ZFAND4: variants seen among roughly 807,000 people sequenced by gnomAD.
ZFAND4 encodes AN1-type zinc finger protein 4.
In ZFAND4, 43 loss-of-function variants were observed where a neutral mutation model predicts 64.4. That is an observed-to-expected ratio of 0.67 (90% CI 0.52 to 0.86). The LOEUF is 0.86. ZFAND4 is among the 40% of genes least tolerant of loss of function. The probability of loss-of-function intolerance (pLI) is 0.00; values close to 1 mark genes in which losing one functional copy is unlikely to be tolerated. For missense variants in ZFAND4, 929 were observed against 859.8 expected (o/e 1.08, Z -1.01); for synonymous variants, 296 against 305.7 (o/e 0.97, Z 0.33).
At chr10:45,665,847 C>T (rs1404785995) in intron 1 of ZFAND4, among the ~76,000 whole-genome samples, 2 of 152,186 alleles carry the variant, frequency 1.3e-5, no homozygotes, top group Non-Finnish European at 2.9e-5. Context: ...TGGCTTCTTT[C>T]ACTTAGCATA....
At chr10:45,648,860 TATG>T (rs1289746797) in intron 4 of ZFAND4, 2 of 824,900 alleles carry the variant, frequency 2.4e-6, no homozygotes, top group Admixed American at 6.2e-5. Context: ...TTGCTGATTC[TATG>T]ATATTACTAT....
Position 45,618,193 on chromosome 10 carries a change from A to C in ZFAND4, c.1995T>G (p.Asn665Lys), listed in dbSNP as rs2045144740. ...TTTTCTTTCCACAAAGAAAACAATGATTTGTTGTTTTCTTCTTTGTCTGAA... is the reference window on the plus strand; with the variant it reads ...TTTTCTTTCCACAAAGAAAACAATGCTTTGTTGTTTTCTTCTTTGTCTGAA... Reference protein sequence around the residue: ...APLQTKKKTTNHCFLCGKKTG... With the variant: ...APLQTKKKTTKHCFLCGKKTG... The change falls in exon 9 of 10, where the codon AAT (asparagine) becomes AAG (lysine). Residue 665 changes from asparagine to lysine, a missense_variant. Physicochemically the swap from Asn to Lys is moderately conservative, Grantham distance 94 (BLOSUM62 0). Coordinates refer to ENST00000344646, the MANE Select transcript of ZFAND4 (RefSeq NM_174890.4). The C allele has an allele frequency of 3.7e-6, 6 of 1,613,648 alleles. No homozygotes were observed. Among genetic ancestry groups the C allele is most frequent in the Non-Finnish European group, 5.1e-6 (6 of 1,179,848 alleles).
At chr10:45,646,782 A>C (rs913040217) in intron 5 of ZFAND4, among the ~76,000 whole-genome samples, 2 of 152,200 alleles carry the variant, frequency 1.3e-5, no homozygotes, top group African/African-American at 4.8e-5. Flanking sequence ...CTAAACAGTG[A>C]GCCAGCACAC....
chr10:45,665,084 T>C (rs917658809), intron 1 of ZFAND4, among the ~76,000 whole-genome samples: 10 of 152,050 alleles, frequency 6.6e-5, no homozygotes, highest in African/African-American at 2.4e-4. Flanking sequence ...GCCCAACAAA[T>C]AGAAGTAGTA....
At chr10:45,627,805 T>C (rs2045940100) in intron 6 of ZFAND4, among the ~76,000 whole-genome samples, 1 of 152,180 alleles carries the variant, frequency 6.6e-6, no homozygotes, top group Non-Finnish European at 1.5e-5. Context: ...ATTTCACATA[T>C]ATTGTTACAA....
At chr10:45,642,462 C>T (rs906803390) in intron 5 of ZFAND4, among the ~76,000 whole-genome samples, 12 of 151,848 alleles carry the variant, frequency 7.9e-5, no homozygotes, top group African/African-American at 2.9e-4. Context: ...AAAAAATTCG[C>T]CGGGCGTGGT....
intron 1 of ZFAND4, among the ~76,000 whole-genome samples, chr10:45,670,609 C>T (rs1020711367): frequency 1.3e-5 from 2 of 152,156 alleles, no homozygotes; most frequent in African/African-American, 4.8e-5. Context: ...ATAAATGGTG[C>T]TGGGAAAACT....
At chr10:45,655,707 A>C (rs2133812362) in intron 2 of ZFAND4, among the ~76,000 whole-genome samples, 1 of 152,350 alleles carries the variant, frequency 6.6e-6, no homozygotes, top group Middle Eastern at 3.4e-3. Context: ...GAAATACAAA[A>C]GATCATTCAA....
chr10:45,649,222 A>T (rs568571440), intron 4 of ZFAND4, among the ~76,000 whole-genome samples: 4 of 152,076 alleles, frequency 2.6e-5, no homozygotes, highest in Non-Finnish European at 5.9e-5. Flanking sequence ...ATTAGAAGTA[A>T]GCAGACCTAT....
At chr10:45,642,918 T>TC (rs2047117153) in intron 5 of ZFAND4, among the ~76,000 whole-genome samples, 1 of 143,114 alleles carries the variant, frequency 7.0e-6, no homozygotes, top group African/African-American at 2.6e-5. Flanking sequence ...ATCTTTTTTT[T>TC]TTTTTTTTTT....
At chr10:45,631,612 A>G (rs921134726) in intron 6 of ZFAND4, among the ~76,000 whole-genome samples, 35 of 152,206 alleles carry the variant, frequency 2.3e-4, no homozygotes, top group African/African-American at 7.0e-4. Context: ...CAATATAAAA[A>G]GCAAAGCATA....
At chr10:45,649,050 T>C (rs2047584340) in intron 4 of ZFAND4, 3 of 577,084 alleles carry the variant, frequency 5.2e-6, no homozygotes, top group South Asian at 1.5e-4. Context: ...GGGCAGATCA[T>C]GAAGTCAAGA....
intron 8 of ZFAND4, 82 bp from the exon 9 acceptor site, chr10:45,618,342 G>C: frequency 6.7e-7 from 1 of 1,500,026 alleles, no homozygotes; most frequent in Non-Finnish European, 9.0e-7. Flanking sequence ...ACAAAACATA[G>C]TCCTATCAAA....
chr10:45,657,788 A>G (rs1258976225), intron 2 of ZFAND4, among the ~76,000 whole-genome samples: 2 of 152,244 alleles, frequency 1.3e-5, no homozygotes, highest in African/African-American at 2.4e-5. Flanking sequence ...TAACAATATG[A>G]TAAGTCTCAA....
intron 2 of ZFAND4, among the ~76,000 whole-genome samples, chr10:45,662,858 T>G (rs1564631875): frequency 6.6e-6 from 1 of 152,188 alleles, no homozygotes; most frequent in African/African-American, 2.4e-5. Context: ...AAAGATCCAT[T>G]TACTGTTATA....
intron 6 of ZFAND4, among the ~76,000 whole-genome samples, chr10:45,631,003 G>A (rs780205070): frequency 6.7e-6 from 1 of 149,032 alleles, no homozygotes; most frequent in Non-Finnish European, 1.5e-5. Flanking sequence ...AGACCACGAC[G>A]ATGTTCTAAC....
intron 2 of ZFAND4, among the ~76,000 whole-genome samples, chr10:45,660,828 T>G (rs76025266): frequency 0.06 from 9,093 of 152,164 alleles, 394 homozygotes; most frequent in African/African-American, 0.12. Context: ...ATATTATCCT[T>G]CAGAAATGAA....
chr10:45,648,351 G>A lies in ZFAND4; in HGVS notation c.512C>T (p.Ser171Leu), dbSNP rs761395807. The change falls in exon 5 of 10, where the codon TCA becomes TTA. Residue 171 changes from serine to leucine, a missense_variant. Physicochemically the swap from Ser to Leu is moderately radical, Grantham distance 145 (BLOSUM62 -2). Transcript: ENST00000344646. ...DGTLTPLSDSSKKIDFHLHVL... is the reference protein window; with the variant it reads ...DGTLTPLSDSLKKIDFHLHVL... ...ATGCAAATGAAAATCTATTTTCTTT[G>A]AAGAGTCAGATAACGGTGTTAAAGT... is the stretch of plus-strand genomic sequence containing the variant. 6.2e-7 allele frequency: 1 copy of A among 1,613,382 alleles called. No individual in the cohort carries two copies. Among genetic ancestry groups the A allele is most frequent in the East Asian group, 2.2e-5 (1 of 44,810 alleles).
intron 5 of ZFAND4, among the ~76,000 whole-genome samples, chr10:45,641,711 A>C (rs187913239): frequency 6.6e-6 from 1 of 152,346 alleles, no homozygotes; most frequent in Non-Finnish European, 1.5e-5. Flanking sequence ...TGAAGTAATA[A>C]TATTGCCTGC....
Sources: gnomAD v4.1 joint callset for allele counts (sites outside exome capture counted in the v4.1 genomes callset) on GRCh38, gnomAD v4.1.1 for gene constraint, MANE v1.5 for transcripts, NCBI Gene and HGNC (gene_info 2026-07-23, HGNC 2026-07-21) for gene names.